Variants in KDM8 observed in about 807,000 individuals in gnomAD.
KDM8 encodes the protein lysine demethylase 8.
A neutral mutation model predicts 46.9 loss-of-function variants in KDM8; 35 were observed. That is an observed-to-expected ratio of 0.75 (90% CI 0.57 to 0.99). The LOEUF (loss-of-function observed/expected upper bound fraction) is 0.99, where lower values mean the gene tolerates loss of function less well. Ranked by LOEUF, KDM8 falls within the 50% of genes least tolerant of loss-of-function variation. The pLI is 0.00. For missense variants in KDM8, 475 were observed against 537.0 expected, an observed-to-expected ratio of 0.88 and a Z score of 1.14; for synonymous variants, 232 against 227.7, an observed-to-expected ratio of 1.02 and a Z score of -0.17.
At chr16:27,219,460 G>T (rs1040797534) in intron 6 of KDM8, among the ~76,000 whole-genome samples, 2 of 152,230 alleles carry the variant, frequency 1.3e-5, no homozygotes, top group Admixed American at 1.3e-4. Flanking sequence ...TGGCAGGTTG[G>T]GGGAGGAGTT....
At chr16:27,219,783 G>T (rs1462814094) in intron 6 of KDM8, among the ~76,000 whole-genome samples, 1 of 152,220 alleles carries the variant, frequency 6.6e-6, no homozygotes, top group East Asian at 1.9e-4. Context: ...TGCAAAATGA[G>T]AGTGAAGATA....
At chr16:27,210,807 G>C (rs901286235) in intron 2 of KDM8, among the ~76,000 whole-genome samples, 186 bp downstream of exon 2, 6 of 152,242 alleles carry the variant, frequency 3.9e-5, no homozygotes, top group African/African-American at 1.4e-4. Flanking sequence ...CTGTCGCCCA[G>C]GCTGGAGTGC....
chr16:27,213,968 C>T (rs2083517386), intron 3 of KDM8: 1 of 513,214 alleles, frequency 1.9e-6, no homozygotes, highest in South Asian at 3.2e-5. Flanking sequence ...CCTTGCTCGC[C>T]TTAAGCGGTT....
intron 6 of KDM8, 113 bp downstream of exon 6, chr16:27,219,223 G>T: frequency 1.7e-6 from 2 of 1,195,564 alleles, no homozygotes; most frequent in East Asian, 2.6e-5. Flanking sequence ...AAGAAGCACT[G>T]AAGGGGATGA....
intron 6 of KDM8, 107 bp from the exon 7 acceptor site, chr16:27,220,286 C>T (rs914777702): frequency 3.4e-6 from 3 of 869,752 alleles, no homozygotes; most frequent in African/African-American, 1.6e-5. Context: ...TGGGGAAGGG[C>T]AGGCTGGGCC....
At chr16:27,206,133 C>A in intron 1 of KDM8, 1 of 639,172 alleles carries the variant, frequency 1.6e-6, no homozygotes, top group Non-Finnish European at 1.9e-6. Flanking sequence ...CTCTCGAAGG[C>A]CAGTCTGTGG....
At chr16:27,204,069 C>G (rs771067806) in intron 1 of KDM8, 41 of 1,545,496 alleles carry the variant, frequency 2.7e-5, no homozygotes, top group Admixed American at 1.4e-4. Flanking sequence ...AGGCTGGAAA[C>G]GATTCCGCCG....
chr16:27,204,357 G>A (rs2083407694), intron 1 of KDM8: 2 of 1,349,398 alleles, frequency 1.5e-6, no homozygotes, highest in Non-Finnish European at 9.5e-7. Flanking sequence ...CCACACGGAC[G>A]ACCCAAACAC....
chr16:27,215,874 AG>A, intron 4 of KDM8, 70 bp from the exon 5 acceptor site: 1 of 1,477,760 alleles, frequency 6.8e-7, no homozygotes, highest in East Asian at 2.3e-5. Flanking sequence ...GCTGGACAGC[AG>A]CAGCAGGAGG....
chr16:27,218,929 C>T, intron 5 of KDM8, 32 bp from the exon 6 acceptor site: 1 of 1,613,574 alleles, frequency 6.2e-7, no homozygotes, highest in Middle Eastern at 1.7e-4. Context: ...CAGCCGGATC[C>T]CCACATCTCA....
At chr16:27,207,303 A>T (rs1270327133) in intron 1 of KDM8, among the ~76,000 whole-genome samples, 1 of 152,208 alleles carries the variant, frequency 6.6e-6, no homozygotes, top group Non-Finnish European at 1.5e-5. Flanking sequence ...CCAGCTACTC[A>T]GAGGCTGAGG....
At chr16:27,207,207 A>C (rs1289129355) in intron 1 of KDM8, among the ~76,000 whole-genome samples, 2 of 152,216 alleles carry the variant, frequency 1.3e-5, no homozygotes, top group African/African-American at 4.8e-5. Context: ...CAGGAGTTGG[A>C]GACCAGCCTG....
intron 1 of KDM8, among the ~76,000 whole-genome samples, chr16:27,205,383 ATT>A (rs760398178): frequency 1.3e-5 from 2 of 152,190 alleles, no homozygotes; most frequent in Non-Finnish European, 2.9e-5. Context: ...TGTAAGGAGC[ATT>A]TAGGGGCTGA....
At chr16:27,215,496 G>A (rs1363835295) in intron 4 of KDM8, among the ~76,000 whole-genome samples, 4 of 152,144 alleles carry the variant, frequency 2.6e-5, no homozygotes, top group Non-Finnish European at 5.9e-5. Flanking sequence ...GGGGCAAATT[G>A]CTTGAGCCCA....
In KDM8 at chr16:27,220,745, G is replaced by C. The variant is rs749069309; in HGVS notation, c.*15G>C. ...GGTGGTCGTAGCCAGGATAGGAGCT[G>C]AAAGGGCCTGACATGCAGACAGCAT... On this transcript the variant is annotated 3_prime_UTR_variant, in exon 8 of 8. Coordinates refer to ENST00000286096, the MANE Select transcript of KDM8 (RefSeq NM_024773.3). 5 of 1,613,996 alleles carry C rather than the reference G, an allele frequency of 3.1e-6. No homozygotes were observed. The highest frequency in any genetic ancestry group is 4.2e-6 in the Non-Finnish European group (5 of 1,179,838).
chr16:27,219,166 G>A lies in KDM8; in HGVS notation c.993+56G>A, dbSNP rs2140976552. 2.0e-6 allele frequency: 3 copies of A among 1,512,170 alleles called. No homozygotes were observed. The South Asian group carries it at 3.9e-5, about 19-fold the overall frequency. 93.7% of individuals were successfully genotyped at this position (1,512,170 alleles called of 1,614,324 possible). The stretch of plus-strand genomic sequence containing the variant: ...TAACTCCTCCTGGCCCAGACACCTG[G>A]CCGGCCACATTCTCTGCCTTTAAAC... On this transcript the variant is annotated intron_variant, in intron 6 of 7. Coordinates refer to ENST00000286096, the MANE Select transcript of KDM8 (RefSeq NM_024773.3).
rs779208393 is a variant in KDM8 at position 27,218,999 on chromosome 16, C to T, written c.882C>T (p.Tyr294=). 2 of 1,614,166 alleles carry T rather than the reference C, an allele frequency of 1.2e-6. No homozygotes were observed. The highest frequency in any genetic ancestry group is 1.7e-6 in the Non-Finnish European group (2 of 1,180,028). Residue 294 remains tyrosine (Y), a synonymous_variant, in exon 6 of 8, where the codon TAC becomes TAT. Transcript: ENST00000286096. ...AGCAGGACATCAGCATCCCCGACTA[C>T]TGCAGCCTGGGCGATGGGGAGGAGG... The part of the protein sequence containing the change: ...ELKQDISIPD[Y]CSLGDGEEEE...
chr16:27,210,106 C>A lies in KDM8; in HGVS notation c.-18C>A. 6.2e-7 allele frequency: 1 copy of A among 1,607,130 alleles called. No homozygotes were observed. The highest frequency in any genetic ancestry group is 8.5e-7 in the Non-Finnish European group (1 of 1,176,744). On this transcript the variant is annotated 5_prime_UTR_variant, in exon 2 of 8. Transcript: ENST00000286096. ...CCACCTCCCCAGGCACGGGACTGAA[C>A]CAGCTGGTGGTGGCCCGATGGCTGG... is the stretch of plus-strand genomic sequence containing the variant.
chr16:27,209,712 G>C (rs2083461935), intron 1 of KDM8, among the ~76,000 whole-genome samples: 1 of 152,238 alleles, frequency 6.6e-6, no homozygotes, highest in Admixed American at 6.5e-5. Context: ...TGTAAGAGAA[G>C]CTCAAGGGCT....
Sources: allele counts gnomAD v4.1 joint callset (sites outside exome capture counted in the v4.1 genomes callset), GRCh38; gene constraint gnomAD v4.1.1; transcripts MANE v1.5; gene names NCBI Gene and HGNC (gene_info 2026-07-23, HGNC 2026-07-21).